Variants in DOCK2 observed in about 807,000 individuals in gnomAD.
DOCK2 encodes the protein dedicator of cytokinesis 2.
In DOCK2, 87 loss-of-function variants were observed where a neutral mutation model predicts 248.9. The ratio of observed to expected loss-of-function variants is 0.35; its 90% confidence interval spans 0.29 to 0.42. DOCK2 has a LOEUF of 0.42. Ranked by LOEUF, DOCK2 falls within the 10% of genes least tolerant of loss-of-function variation. The pLI, the probability that DOCK2 is intolerant of heterozygous loss-of-function variation, is 1.00. For synonymous variants in DOCK2, 805 were observed against 821.6 expected (o/e 0.98, Z 0.35); for missense variants, 1,747 against 2,300.2 (o/e 0.76, Z 4.92).
intron 44 of DOCK2, among the ~76,000 whole-genome samples, chr5:170,066,809 C>A (rs1414216337): frequency 6.6e-6 from 1 of 152,194 alleles, no homozygotes; most frequent in East Asian, 1.9e-4. Context: ...CCTGTAGGTG[C>A]TTTTGCCCTA....
chr5:169,643,129 G>T (rs1194017800), intron 1 of DOCK2, among the ~76,000 whole-genome samples: 1 of 152,130 alleles, frequency 6.6e-6, no homozygotes, highest in Admixed American at 6.5e-5. Flanking sequence ...TAATTGGTGT[G>T]AATTGAAAAA....
chr5:169,753,138 A>G (rs1173590521), intron 23 of DOCK2, among the ~76,000 whole-genome samples: 2 of 152,216 alleles, frequency 1.3e-5, no homozygotes, highest in Admixed American at 1.3e-4. Flanking sequence ...GTGTTGAGCT[A>G]AAAGCTTTAC....
intron 6 of DOCK2, among the ~76,000 whole-genome samples, chr5:169,681,311 A>G (rs1240707929): frequency 6.6e-6 from 1 of 151,506 alleles, no homozygotes; most frequent in Non-Finnish European, 1.5e-5. Flanking sequence ...TTTAGTAGAG[A>G]CAGGGTTTCA....
chr5:169,822,693 A>T (rs2113243971), intron 26 of DOCK2, among the ~76,000 whole-genome samples: 1 of 152,342 alleles, frequency 6.6e-6, no homozygotes, highest in Non-Finnish European at 1.5e-5. Context: ...ACACCCTAAC[A>T]TCACAATTAA....
intron 43 of DOCK2, chr5:170,057,364 G>A (rs1480269869): frequency 6.6e-6 from 4 of 605,170 alleles, no homozygotes; most frequent in Non-Finnish European, 1.2e-5. Context: ...GTACTTACTT[G>A]GCCTAAGTCC....
At chr5:169,655,581 G>A (rs189153044) in intron 2 of DOCK2, among the ~76,000 whole-genome samples, 5 of 152,272 alleles carry the variant, frequency 3.3e-5, no homozygotes, top group Admixed American at 3.3e-4. Context: ...CACAGGACAG[G>A]CAGTGTCATT....
In DOCK2 at chr5:169,858,460, G is replaced by C. The variant is rs370237487; in HGVS notation, c.2799+17608G>C. Among the ~76,000 whole-genome samples the C allele has an allele frequency of 8.6e-4, 131 of 152,196 alleles. 1 individual carries two copies. The highest frequency in any genetic ancestry group is 2.9e-3 in the African/African-American group (121 of 41,508). ...GAACAGGAGCCTTCAGGGACTGAAG[G>C]CGTGGTAGGTCCAAGAAAGCCAAGA... On this transcript the variant is annotated intron_variant, in intron 27 of 51. Coordinates refer to ENST00000520908, the MANE Select transcript of DOCK2 (RefSeq NM_004946.3).
At chr5:169,917,895 A>G (rs1774962080) in intron 27 of DOCK2, among the ~76,000 whole-genome samples, 1 of 152,204 alleles carries the variant, frequency 6.6e-6, no homozygotes, top group Non-Finnish European at 1.5e-5. Context: ...CTGAAATGGG[A>G]CATTAAATAA....
intron 2 of DOCK2, among the ~76,000 whole-genome samples, chr5:169,665,376 A>AT (rs1184038396): frequency 3.2e-4 from 48 of 149,860 alleles, no homozygotes; most frequent in African/African-American, 1.1e-3. Flanking sequence ...ATATATGTTT[A>AT]TATATAAATA....
At chr5:169,992,393 G>T (rs1010763435) in intron 29 of DOCK2, among the ~76,000 whole-genome samples, 3 of 152,230 alleles carry the variant, frequency 2.0e-5, no homozygotes, top group Non-Finnish European at 2.9e-5. Flanking sequence ...CAGGTTCATT[G>T]TTGAGAGTAA....
chr5:169,808,161 G>A, intron 26 of DOCK2, among the ~76,000 whole-genome samples: 1 of 152,112 alleles, frequency 6.6e-6, no homozygotes, highest in East Asian at 1.9e-4. Flanking sequence ...CTGGCTTTTA[G>A]TTGGCATCAT....
chr5:169,893,388 T>A (rs974100521), intron 27 of DOCK2, among the ~76,000 whole-genome samples: 2 of 152,214 alleles, frequency 1.3e-5, no homozygotes, highest in African/African-American at 4.8e-5. Flanking sequence ...TATCTCTGTA[T>A]TTCTCAGCAT....
intron 46 of DOCK2, among the ~76,000 whole-genome samples, chr5:170,073,225 C>T (rs1757736739): frequency 6.6e-6 from 1 of 152,158 alleles, no homozygotes; most frequent in Non-Finnish European, 1.5e-5. Flanking sequence ...TTCTTTAGCA[C>T]CATGTGTTGA....
chr5:169,959,858 G>C (rs1265805036), intron 27 of DOCK2, among the ~76,000 whole-genome samples: 2 of 152,238 alleles, frequency 1.3e-5, no homozygotes, highest in Non-Finnish European at 2.9e-5. Flanking sequence ...GGATGGAAAA[G>C]AGGTTTGGCC....
chr5:169,796,560 T>C (rs1766668530), intron 25 of DOCK2, among the ~76,000 whole-genome samples: 1 of 152,188 alleles, frequency 6.6e-6, no homozygotes, highest in Non-Finnish European at 1.5e-5. Flanking sequence ...CTTTCATTTA[T>C]GGGATGACAG....
intron 27 of DOCK2, among the ~76,000 whole-genome samples, chr5:169,861,161 T>A (rs997568910): frequency 4.6e-5 from 7 of 152,304 alleles, no homozygotes; most frequent in African/African-American, 1.7e-4. Context: ...AAGTTCTGAA[T>A]CTGCTCTTTA....
intron 27 of DOCK2, among the ~76,000 whole-genome samples, chr5:169,928,000 ACT>A (rs1177268808): frequency 6.6e-6 from 1 of 152,276 alleles, no homozygotes; most frequent in East Asian, 1.9e-4. Flanking sequence ...GTGGGAATTA[ACT>A]CACAGATCCA....
chr5:170,014,589 A>G (rs1755439167), intron 32 of DOCK2, among the ~76,000 whole-genome samples: 1 of 139,652 alleles, frequency 7.2e-6, no homozygotes, highest in Non-Finnish European at 1.5e-5. Flanking sequence ...CATACAGAAT[A>G]GCACAGCCCT....
intron 46 of DOCK2, among the ~76,000 whole-genome samples, chr5:170,071,122 G>C (rs7737868): frequency 6.6e-6 from 1 of 152,200 alleles, no homozygotes; most frequent in Middle Eastern, 3.4e-3. Flanking sequence ...CTAACTATGG[G>C]CACCCGCATG....
Sources: allele counts gnomAD v4.1 joint callset (sites outside exome capture counted in the v4.1 genomes callset), GRCh38; gene constraint gnomAD v4.1.1; transcripts MANE v1.5; gene names NCBI Gene and HGNC (gene_info 2026-07-23, HGNC 2026-07-21).